The following TBCE variants were observed in gnomAD, a reference collection of about 807,000 sequenced individuals.
TBCE encodes tubulin-specific chaperone E.
TBCE carries 53 observed loss-of-function variants against 77.0 expected under a neutral mutation model. The ratio of observed to expected loss-of-function variants is 0.69; its 90% confidence interval spans 0.55 to 0.87. TBCE has a LOEUF of 0.87. Among genes scored for constraint, TBCE ranks in the 40% least tolerant of loss-of-function variants. The pLI, the probability that TBCE is intolerant of heterozygous loss-of-function variation, is 0.00. For synonymous variants in TBCE, 235 were observed against 241.3 expected, an observed-to-expected ratio of 0.97 and a Z score of 0.24; for missense variants, 624 against 622.4, an observed-to-expected ratio of 1.00 and a Z score of -0.03.
At chr1:235,439,828 G>C (rs1160690804) in intron 13 of TBCE, among the ~76,000 whole-genome samples, 21 of 151,548 alleles carry the variant, frequency 1.4e-4, no homozygotes, top group Admixed American at 1.4e-3. Flanking sequence ...TTGAGACAGA[G>C]TCTTGCTCTG....
intron 15 of TBCE, among the ~76,000 whole-genome samples, chr1:235,443,165 T>TACACAC (rs759694992): frequency 2.0e-5 from 3 of 148,384 alleles, no homozygotes; most frequent in African/African-American, 5.0e-5. Context: ...TGCATATAAT[T>TACACAC]ACACACACAC....
intron 15 of TBCE, among the ~76,000 whole-genome samples, chr1:235,448,006 C>T (rs947563144): frequency 7.2e-5 from 11 of 151,952 alleles, no homozygotes; most frequent in Admixed American, 5.2e-4. Context: ...GTCAGGAGTT[C>T]AAGACCAGCC....
At chr1:235,380,392 T>C (rs906448028) in intron 2 of TBCE, among the ~76,000 whole-genome samples, 63 of 152,162 alleles carry the variant, frequency 4.1e-4, no homozygotes, top group African/African-American at 1.5e-3. Flanking sequence ...GTTGCTATCT[T>C]ATATAAAATC....
chr1:235,394,630 A>G lies in TBCE; in HGVS notation c.101-6873A>G, dbSNP rs538257388. On this transcript the variant is annotated intron_variant, in intron 2 of 16. Transcript: ENST00000642610. The stretch of plus-strand genomic sequence containing the variant: ...TATTTTTTAGAGAGCGGGTTTTGCC[A>G]GGCTGGTGTTTAGCACCTGGGCTCA... Among the ~76,000 whole-genome samples the G allele has an allele frequency of 2.6e-5, 4 of 151,740 alleles. No homozygotes were observed. In the East Asian group the frequency reaches 7.8e-4, roughly 29 times the overall value.
chr1:235,397,982 C>T (rs1181679777), intron 2 of TBCE, among the ~76,000 whole-genome samples: 1 of 152,158 alleles, frequency 6.6e-6, no homozygotes, highest in African/African-American at 2.4e-5. Flanking sequence ...CAGCTAATCA[C>T]AGTTGAATGC....
chr1:235,398,230 A>G (rs983688704), intron 2 of TBCE, among the ~76,000 whole-genome samples: 1 of 149,318 alleles, frequency 6.7e-6, no homozygotes, highest in Non-Finnish European at 1.5e-5. Flanking sequence ...ACTGCAACCT[A>G]CACCTCCTGG....
intron 3 of TBCE, among the ~76,000 whole-genome samples, chr1:235,407,483 T>C (rs1036922304): frequency 6.6e-6 from 1 of 152,164 alleles, no homozygotes; most frequent in African/African-American, 2.4e-5. Context: ...CAAGCTCTGA[T>C]TGGTGAGTGA....
At chr1:235,439,452 C>T (rs1681688317) in intron 13 of TBCE, among the ~76,000 whole-genome samples, 2 of 151,658 alleles carry the variant, frequency 1.3e-5, no homozygotes. Context: ...GCCGAGATCA[C>T]ACCACTGTAC....
At chr1:235,417,071 A>G (rs1407687547) in intron 4 of TBCE, among the ~76,000 whole-genome samples, 1 of 152,220 alleles carries the variant, frequency 6.6e-6, no homozygotes. Flanking sequence ...TATCTCATCA[A>G]TAAAATCCAG....
intron 11 of TBCE, among the ~76,000 whole-genome samples, chr1:235,436,835 G>C (rs1272971856): frequency 6.6e-6 from 1 of 152,074 alleles, no homozygotes; most frequent in Non-Finnish European, 1.5e-5. Flanking sequence ...TAGAGTAAAA[G>C]GGGCCGGGTG....
chr1:235,373,348 A>C (rs1677089224), intron 1 of TBCE, among the ~76,000 whole-genome samples: 1 of 152,222 alleles, frequency 6.6e-6, no homozygotes, highest in Non-Finnish European at 1.5e-5. Flanking sequence ...GATGGTAGTA[A>C]ATCAGAAATG....
Position 235,449,986 on chromosome 1 carries a change from T to A in TBCE, c.*1224T>A. 4.8e-6 allele frequency: 2 copies of A among 413,260 alleles called. No individual in the cohort carries two copies. The highest frequency in any genetic ancestry group is 4.0e-5 in the Admixed American group (1 of 24,830). 25.6% of individuals were successfully genotyped at this position (413,260 alleles called of 1,614,324 possible). On this transcript the variant is annotated 3_prime_UTR_variant, in exon 17 of 17. Transcript: ENST00000642610. ...TGGTATTTTTCTGATAATCTTCCAATAGATAAATAAAAACTTTTCTTATGC... is the reference window on the plus strand; with the variant it reads ...TGGTATTTTTCTGATAATCTTCCAAAAGATAAATAAAAACTTTTCTTATGC...
intron 4 of TBCE, chr1:235,415,725 A>T (rs905029087): frequency 2.6e-5 from 4 of 152,184 alleles, no homozygotes; most frequent in African/African-American, 9.7e-5. Flanking sequence ...CATGGCCCCC[A>T]TTAAAAAAAA....
At chr1:235,440,124 C>T (rs1681758801) in intron 13 of TBCE, among the ~76,000 whole-genome samples, 2 of 152,134 alleles carry the variant, frequency 1.3e-5, no homozygotes, top group East Asian at 1.9e-4. Context: ...GCGCCCACCA[C>T]CACACCCGGC....
intron 2 of TBCE, among the ~76,000 whole-genome samples, chr1:235,383,400 C>T (rs1357593759): frequency 6.6e-6 from 1 of 152,132 alleles, no homozygotes; most frequent in Admixed American, 6.6e-5. Flanking sequence ...TGTAAATTAC[C>T]TTAGGCAGTA....
intron 5 of TBCE, among the ~76,000 whole-genome samples, chr1:235,426,792 C>T (rs140388445): frequency 1.3e-5 from 2 of 152,294 alleles, no homozygotes; most frequent in African/African-American, 2.4e-5. Context: ...ATTACGAGCG[C>T]GTGCCACCAC....
intron 15 of TBCE, 169 bp downstream of exon 15, chr1:235,443,080 C>T (rs1199954341): frequency 1.5e-6 from 1 of 677,820 alleles, no homozygotes; most frequent in Admixed American, 2.8e-5. Flanking sequence ...TAATATCACT[C>T]CCCCATGCCC....
intron 2 of TBCE, among the ~76,000 whole-genome samples, chr1:235,381,509 C>T (rs1363936926): frequency 1.3e-5 from 2 of 151,382 alleles, no homozygotes; most frequent in Non-Finnish European, 2.9e-5. Flanking sequence ...ACGGTGAAAC[C>T]CCATCTCCAG....
At chr1:235,442,984 A>C in intron 15 of TBCE, 73 bp downstream of exon 15, 1 of 1,462,154 alleles carries the variant, frequency 6.8e-7, no homozygotes. Flanking sequence ...TAAAATTAAA[A>C]CCTTTAACTC....
Sources: gnomAD v4.1 joint callset for allele counts (sites outside exome capture counted in the v4.1 genomes callset) on GRCh38, gnomAD v4.1.1 for gene constraint, MANE v1.5 for transcripts, NCBI Gene and HGNC (gene_info 2026-07-23, HGNC 2026-07-21) for gene names.